SESN2: variants seen among roughly 807,000 people sequenced by gnomAD.
SESN2 encodes the protein sestrin-2.
SESN2 carries 42 observed loss-of-function variants against 56.0 expected under a neutral mutation model. The ratio of observed to expected loss-of-function variants is 0.75; its 90% CI spans 0.59 to 0.97. The LOEUF is 0.97. SESN2 is among the 50% of genes least tolerant of loss of function. The pLI is 0.00. For synonymous variants in SESN2, 264 were observed against 267.1 expected, an observed-to-expected ratio of 0.99 and a Z score of 0.11; for missense variants, 507 against 649.4, an observed-to-expected ratio of 0.78 and a Z score of 2.38.
intron 1 of SESN2, among the ~76,000 whole-genome samples, chr1:28,262,347 C>T (rs1034925801): frequency 6.6e-6 from 1 of 152,012 alleles, no homozygotes; most frequent in African/African-American, 2.4e-5. Context: ...ATTGGGCTCC[C>T]GAATAACTTT....
chr1:28,272,181 TGG>T (rs1557733486), intron 3 of SESN2, 101 bp from the exon 4 acceptor site: 1 of 1,221,438 alleles, frequency 8.2e-7, no homozygotes, highest in African/African-American at 1.5e-5. Flanking sequence ...TCCTGCCTCT[TGG>T]GGAACAGTGA....
At position 28,259,651 on chromosome 1, in the gene SESN2, G is replaced by T; in HGVS notation, c.-197G>T. 1 of 446,070 alleles carries T rather than the reference G, an allele frequency of 2.2e-6. No homozygotes were observed. Among genetic ancestry groups the T allele is most frequent in the Non-Finnish European group, 3.9e-6 (1 of 254,404 alleles). 27.6% of individuals were successfully genotyped at this position (446,070 alleles called of 1,614,324 possible). Reference sequence around the variant, plus strand: ...GCCCCCGAGGCCGTTCGCCGTTCCCGAAGCCCGACTGGGGGAAGAGTCCAG... The same window carrying T: ...GCCCCCGAGGCCGTTCGCCGTTCCCTAAGCCCGACTGGGGGAAGAGTCCAG... On this transcript the variant is annotated 5_prime_UTR_variant, in exon 1 of 10. Transcript: ENST00000253063.
At chr1:28,274,235 C>T in intron 7 of SESN2, 77 bp downstream of exon 7, 6 of 975,094 alleles carry the variant, frequency 6.2e-6, no homozygotes, top group South Asian at 2.6e-5. Flanking sequence ...TGAGTAGTTA[C>T]AGAGTTAGGT....
At chr1:28,275,449 A>G (rs1015584054) in intron 8 of SESN2, among the ~76,000 whole-genome samples, 11 of 152,202 alleles carry the variant, frequency 7.2e-5, no homozygotes, top group African/African-American at 1.9e-4. Context: ...GTGAAATACT[A>G]TGCAGCTGTT....
intron 1 of SESN2, among the ~76,000 whole-genome samples, chr1:28,267,912 A>T (rs925009322): frequency 1.3e-5 from 2 of 152,202 alleles, no homozygotes; most frequent in South Asian, 2.1e-4. Flanking sequence ...GGTGTCAGGG[A>T]AACAAAACAG....
intron 9 of SESN2, 70 bp from the exon 10 acceptor site, chr1:28,280,646 A>G: frequency 1.6e-6 from 2 of 1,227,768 alleles, no homozygotes; most frequent in Admixed American, 1.7e-5. Context: ...TCAGGGATCA[A>G]GGCAGTCTGG....
Position 28,279,166 on chromosome 1 carries a change from A to C in SESN2, c.1281A>C (p.Thr427=). 1 of 1,614,212 alleles carries C rather than the reference A, an allele frequency of 6.2e-7. No homozygotes were observed. Among genetic ancestry groups the C allele is most frequent in the South Asian group, 1.1e-5 (1 of 91,086 alleles). The change falls in exon 9 of 10, where the codon ACA becomes ACC. Residue 427 remains threonine, a synonymous_variant. Coordinates refer to ENST00000253063, the MANE Select transcript of SESN2 (RefSeq NM_031459.5). Reference sequence around the variant, plus strand: ...GGAACCTCAAGGTCTATATCAAGACAGTGGCCTGCTACCCAGAGAAGACCA... The same window carrying C: ...GGAACCTCAAGGTCTATATCAAGACCGTGGCCTGCTACCCAGAGAAGACCA... ...LERNLKVYIK[T]VACYPEKTTR...
chr1:28,264,645 A>G (rs1647497532), intron 1 of SESN2, among the ~76,000 whole-genome samples: 1 of 152,138 alleles, frequency 6.6e-6, no homozygotes, highest in Admixed American at 6.6e-5. Flanking sequence ...GTAACCCCTC[A>G]CTACATGTGG....
intron 9 of SESN2, among the ~76,000 whole-genome samples, chr1:28,280,144 G>A (rs548456874): frequency 3.6e-4 from 55 of 152,140 alleles, no homozygotes; most frequent in African/African-American, 1.3e-3. Context: ...TGTCCAGGCT[G>A]TATTTGAACT....
At chr1:28,280,408 A>G (rs760254086) in intron 9 of SESN2, among the ~76,000 whole-genome samples, 30 of 152,142 alleles carry the variant, frequency 2.0e-4, no homozygotes, top group Admixed American at 2.0e-4. Context: ...GGGTTTCACT[A>G]TGTTGGCCAG....
intron 2 of SESN2, 142 bp from the exon 3 acceptor site, chr1:28,271,532 G>A (rs1647775179): frequency 3.2e-6 from 2 of 629,572 alleles, no homozygotes; most frequent in Non-Finnish European, 2.8e-6. Context: ...ATTAAAATAT[G>A]TGATCCTCCC....
chr1:28,278,921 G>A (rs562238656), intron 8 of SESN2, among the ~76,000 whole-genome samples, 176 bp from the exon 9 acceptor site: 3 of 152,322 alleles, frequency 2.0e-5, no homozygotes, highest in African/African-American at 7.2e-5. Flanking sequence ...TGCCAATGTG[G>A]CGGCCTGTGA....
Position 28,259,827 on chromosome 1 carries a change from G to C in SESN2, c.-21G>C. On this transcript the variant is annotated 5_prime_UTR_variant, in exon 1 of 10. Transcript: ENST00000253063. The stretch of plus-strand genomic sequence containing the variant: ...GGTGCACGGGTCGTCGGCGAGCCGC[G>C]ACCGGGTCCTGGCGCGCACCATGAT... The C allele has an allele frequency of 1.5e-6, 2 of 1,366,254 alleles. No homozygotes were observed. The highest frequency in any genetic ancestry group is 1.7e-5 in the South Asian group (1 of 59,310). 84.6% of individuals were successfully genotyped at this position (1,366,254 alleles called of 1,614,324 possible).
intron 7 of SESN2, among the ~76,000 whole-genome samples, chr1:28,274,579 G>A (rs1647954370): frequency 6.6e-6 from 1 of 152,004 alleles, no homozygotes; most frequent in South Asian, 2.1e-4. Context: ...GATTCCACGA[G>A]GGCAGTGGGG....
At chr1:28,276,735 A>G (rs1233141889) in intron 8 of SESN2, among the ~76,000 whole-genome samples, 1 of 149,398 alleles carries the variant, frequency 6.7e-6, no homozygotes, top group East Asian at 2.0e-4. Context: ...ATGTGCCACC[A>G]CGCCCAGCTA....
Position 28,279,154 on chromosome 1 carries a change from C to T in SESN2, c.1269C>T (p.Val423=). ...VNQLLERNLK[V]YIKTVACYPE... is the part of the protein sequence containing the mutation. ...AGCTCCTGGAGCGGAACCTCAAGGT[C>T]TATATCAAGACAGTGGCCTGCTACC... Residue 423 remains valine, a synonymous_variant, in exon 9 of 10, where the codon GTC becomes GTT. Coordinates refer to ENST00000253063, the MANE Select transcript of SESN2 (RefSeq NM_031459.5). 1 of 1,614,126 alleles carries T rather than the reference C, an allele frequency of 6.2e-7. No homozygotes were observed. The highest frequency in any genetic ancestry group is 8.5e-7 in the Non-Finnish European group (1 of 1,179,972).
chr1:28,273,643 T>C (rs1381943671), intron 6 of SESN2, 135 bp downstream of exon 6: 1 of 860,580 alleles, frequency 1.2e-6, no homozygotes, highest in Non-Finnish European at 1.7e-6. Flanking sequence ...GCATGGGCCT[T>C]GGGCTCAGAC....
intron 1 of SESN2, among the ~76,000 whole-genome samples, chr1:28,264,336 A>G (rs997594575): frequency 1.3e-5 from 2 of 152,136 alleles, no homozygotes; most frequent in East Asian, 1.9e-4. Flanking sequence ...AAAAGAAAAA[A>G]AAAGAAAAAA....
rs760369401 is a variant in SESN2 at position 28,272,721 on chromosome 1, T to A, written c.678T>A (p.Pro226=). The change falls in exon 5 of 10, where the codon CCT becomes CCA. Residue 226 remains proline (P), a synonymous_variant. Coordinates refer to ENST00000253063, the MANE Select transcript of SESN2 (RefSeq NM_031459.5). The part of the protein sequence containing the change: ...ILPEGDADGS[P]APQAPTPPSE... ...CTGAGGGGGATGCAGATGGCAGCCC[T>A]GCCCCCCAGGCACCTACACCCCCTA... The A allele has an allele frequency of 6.2e-7, 1 of 1,611,764 alleles. No individual in the cohort carries two copies. Among genetic ancestry groups the A allele is most frequent in the Non-Finnish European group, 8.5e-7 (1 of 1,177,874 alleles).
Sources: gnomAD v4.1 joint callset for allele counts (sites outside exome capture counted in the v4.1 genomes callset) on GRCh38, gnomAD v4.1.1 for gene constraint, MANE v1.5 for transcripts, NCBI Gene and HGNC (gene_info 2026-07-23, HGNC 2026-07-21) for gene names.